Variants in ARHGEF4 observed in about 807,000 individuals in gnomAD.
The protein encoded by ARHGEF4 is APC-stimulated guanine nucleotide exchange factor 1.
A neutral mutation model predicts 162.0 loss-of-function variants in ARHGEF4; 119 were observed. That is an observed-to-expected ratio of 0.73 (90% CI 0.63 to 0.86). ARHGEF4 has a LOEUF of 0.86. Ranked by LOEUF, ARHGEF4 falls within the 40% of genes least tolerant of loss-of-function variation. ARHGEF4 has a pLI of 0.00. For synonymous variants in ARHGEF4, 1,014 were observed against 979.9 expected (o/e 1.03, Z -0.65); for missense variants, 2,488 against 2,456.0 (o/e 1.01, Z -0.28).
At chr2:130,918,541 T>G (rs931546535) in intron 2 of ARHGEF4, among the ~76,000 whole-genome samples, 4 of 152,186 alleles carry the variant, frequency 2.6e-5, no homozygotes, top group Non-Finnish European at 4.4e-5. Flanking sequence ...CCCCACGCGG[T>G]GGCCTCTCGG....
chr2:130,925,806 T>A (rs1682209495), intron 2 of ARHGEF4, among the ~76,000 whole-genome samples: 1 of 152,226 alleles, frequency 6.6e-6, no homozygotes, highest in Non-Finnish European at 1.5e-5. Context: ...TGGATTTCTT[T>A]GGATTTATAC....
chr2:131,005,128 GT>G (rs1688037951), intron 4 of ARHGEF4, among the ~76,000 whole-genome samples: 1 of 152,202 alleles, frequency 6.6e-6, no homozygotes. Flanking sequence ...CTCGCCTGGG[GT>G]TTGCATTGAT....
intron 4 of ARHGEF4, among the ~76,000 whole-genome samples, chr2:130,968,098 C>T (rs1685116694): frequency 6.6e-6 from 1 of 152,132 alleles, no homozygotes; most frequent in Non-Finnish European, 1.5e-5. Context: ...TAGTTCAAGC[C>T]CCCACCCCCC....
chr2:130,843,702 C>T (rs1680756674), intron 1 of ARHGEF4, among the ~76,000 whole-genome samples: 2 of 152,230 alleles, frequency 1.3e-5, no homozygotes, highest in Admixed American at 1.3e-4. Context: ...CAAGCACCCC[C>T]TGCTTGTTGG....
At chr2:131,045,943 G>T in intron 13 of ARHGEF4, 95 bp from the exon 14 acceptor site, 1 of 1,511,790 alleles carries the variant, frequency 6.6e-7, no homozygotes, top group Non-Finnish European at 8.8e-7. Context: ...CGGCTCTGAA[G>T]CAGAGCCCTG....
intron 4 of ARHGEF4, among the ~76,000 whole-genome samples, chr2:130,994,162 A>G (rs1380733917): frequency 6.6e-6 from 1 of 152,166 alleles, no homozygotes; most frequent in Non-Finnish European, 1.5e-5. Context: ...CAAGATAATA[A>G]CCTTTGTCTT....
chr2:130,837,634 A>G (rs1231710618), intron 1 of ARHGEF4: 1 of 450,818 alleles, frequency 2.2e-6, no homozygotes, highest in African/African-American at 2.0e-5. Flanking sequence ...GAACCCCAAG[A>G]TGGGCCGGGG....
At chr2:130,902,476 C>G (rs551185582) in intron 1 of ARHGEF4, among the ~76,000 whole-genome samples, 4 of 152,114 alleles carry the variant, frequency 2.6e-5, no homozygotes, top group Non-Finnish European at 5.9e-5. Context: ...TGCCTGTAAT[C>G]CCAGCTACTC....
At chr2:130,990,738 G>A (rs975632235) in intron 4 of ARHGEF4, among the ~76,000 whole-genome samples, 1 of 152,074 alleles carries the variant, frequency 6.6e-6, no homozygotes, top group Non-Finnish European at 1.5e-5. Flanking sequence ...TGGGACCCAT[G>A]CAAGGCTTAG....
chr2:130,911,774 C>T (rs1333626975), intron 1 of ARHGEF4, among the ~76,000 whole-genome samples: 1 of 152,172 alleles, frequency 6.6e-6, no homozygotes, highest in Non-Finnish European at 1.5e-5. Flanking sequence ...GGACCCCTCC[C>T]CCCAGCAAGA....
chr2:131,040,851 C>T (rs769064409), intron 8 of ARHGEF4, among the ~76,000 whole-genome samples: 27 of 152,132 alleles, frequency 1.8e-4, no homozygotes, highest in Admixed American at 5.2e-4. Context: ...TGGACACCTC[C>T]TAGCCTCACC....
At chr2:130,907,383 A>AT (rs1366498669) in intron 1 of ARHGEF4, among the ~76,000 whole-genome samples, 6 of 150,256 alleles carry the variant, frequency 4.0e-5, no homozygotes, top group Non-Finnish European at 7.4e-5. Context: ...CTCAACTAAT[A>AT]TTTTTTTGTA....
chr2:130,926,120 C>T (rs1018568207), intron 2 of ARHGEF4, among the ~76,000 whole-genome samples: 6 of 148,612 alleles, frequency 4.0e-5, no homozygotes, highest in East Asian at 4.0e-4. Flanking sequence ...AATTCTGTCT[C>T]TTCCATCTAC....
intron 1 of ARHGEF4, among the ~76,000 whole-genome samples, chr2:130,889,738 G>A (rs1363842174): frequency 6.7e-6 from 1 of 150,032 alleles, no homozygotes; most frequent in Admixed American, 6.6e-5. Context: ...CTTGAACCTG[G>A]GAGGCGGAGG....
At chr2:131,045,730 G>C (rs1400894374) in intron 13 of ARHGEF4, 1 of 1,436,518 alleles carries the variant, frequency 7.0e-7, no homozygotes, top group African/African-American at 1.4e-5. Flanking sequence ...AGGCATCTGG[G>C]GTTGGTGTAG....
intron 1 of ARHGEF4, among the ~76,000 whole-genome samples, chr2:130,849,792 T>A (rs1190268374): frequency 2.6e-5 from 4 of 152,176 alleles, no homozygotes; most frequent in Non-Finnish European, 5.9e-5. Context: ...CTCAAACTTG[T>A]GACCTCAAGT....
chr2:130,912,282 G>A (rs1335359684), intron 1 of ARHGEF4, among the ~76,000 whole-genome samples: 1 of 152,260 alleles, frequency 6.6e-6, no homozygotes, highest in Non-Finnish European at 1.5e-5. Context: ...CCCCACGGAG[G>A]CAGCGGCCGG....
rs1296711221 is a variant in ARHGEF4, at chr2:130,914,021, T to G, written c.75T>G (p.Gly25=). The stretch of plus-strand genomic sequence containing the variant: ...CAGGTGCACACCTGCCAGGTGAAGG[T>G]GAGATTGAAGATAACCAGCTCCCCA... ...PEPGAHLPGE[G]EIEDNQLPTS... is the part of the protein sequence containing the mutation. Residue 25 remains glycine, a synonymous_variant, in exon 2 of 14, where the codon GGT becomes GGG. Coordinates refer to ENST00000409359, the MANE Select transcript of ARHGEF4 (RefSeq NM_001367493.1). 6 of 1,535,768 alleles carry G rather than the reference T, an allele frequency of 3.9e-6. No homozygotes were observed. In the Admixed American group the frequency reaches 1.2e-4, roughly 30 times the overall value.
chr2:130,995,780 A>G (rs573504583), intron 4 of ARHGEF4, among the ~76,000 whole-genome samples: 83 of 151,282 alleles, frequency 5.5e-4, no homozygotes, highest in African/African-American at 2.0e-3. Context: ...GCTTACAGCC[A>G]TGCGTAGTCC....
Sources: gnomAD v4.1 joint callset for allele counts (sites outside exome capture counted in the v4.1 genomes callset) on GRCh38, gnomAD v4.1.1 for gene constraint, MANE v1.5 for transcripts, NCBI Gene and HGNC (gene_info 2026-07-23, HGNC 2026-07-21) for gene names.